The following ZNF718 variants were observed in gnomAD, a reference collection of about 807,000 sequenced individuals.
ZNF718 encodes zinc finger protein 718.
In ZNF718, 3 loss-of-function variants were observed where a neutral mutation model predicts 2.6. That is an observed-to-expected ratio of 1.16 (90% CI 0.53 to 3.01). ZNF718 has a LOEUF of 3.01. Among genes scored for constraint, ZNF718 ranks in the 30% most tolerant of loss-of-function variants. The pLI is 0.03. For missense variants in ZNF718, 468 were observed against 230.0 expected (o/e 2.03, Z -6.69); for synonymous variants, 135 against 77.9 (o/e 1.73, Z -3.86).
At chr4:149,999 C>T (rs1716245536) in intron 3 of ZNF718, 1 of 151,706 alleles carries the variant, frequency 6.6e-6, no homozygotes, top group African/African-American at 2.4e-5. Flanking sequence ...AATACAATAC[C>T]CAATAAAAAA....
chr4:141,231 G>A (rs1437902273), intron 3 of ZNF718, among the ~76,000 whole-genome samples: 7 of 152,040 alleles, frequency 4.6e-5, no homozygotes, highest in Admixed American at 3.3e-4. Context: ...CTAAAAGTTG[G>A]TTCAAATTAC....
chr4:140,824 C>CT (rs1715779786), intron 3 of ZNF718, among the ~76,000 whole-genome samples: 1 of 152,162 alleles, frequency 6.6e-6, no homozygotes, highest in South Asian at 2.1e-4. Flanking sequence ...ATAAGTAAGT[C>CT]TAAGCAATTT....
intron 3 of ZNF718, among the ~76,000 whole-genome samples, chr4:154,392 C>T (rs1553813211): frequency 6.6e-6 from 1 of 152,072 alleles, no homozygotes; most frequent in Non-Finnish European, 1.5e-5. Context: ...GAGAAGGAGA[C>T]AGGAAAATGT....
At position 146,360 on chromosome 4, in the gene ZNF718, C is replaced by T. The variant is rs561769941; in HGVS notation, c.227-14552C>T. 1.4e-4 allele frequency among the ~76,000 whole-genome samples: 22 copies of T among 152,172 alleles called. 1 individual carries two copies. In the South Asian group the frequency reaches 3.3e-3, roughly 23 times the overall value. On this transcript the variant is annotated intron_variant, in intron 3 of 3. Transcript: ENST00000510175. The stretch of plus-strand genomic sequence containing the variant: ...TTTGCACTTTAAATATACGGTCTCA[C>T]TTCTGTGTGGCTTGCATGGTTTCTG...
intron 1 of ZNF718, 98 bp downstream of exon 1, chr4:124,771 C>T (rs1581415608): frequency 3.9e-6 from 6 of 1,522,862 alleles, no homozygotes; most frequent in Non-Finnish European, 4.5e-6. Context: ...GGAGTTCCCG[C>T]TCAGCCCTCT....
intron 3 of ZNF718, among the ~76,000 whole-genome samples, chr4:181,754 C>T (rs1717469800): frequency 6.6e-6 from 1 of 152,088 alleles, no homozygotes; most frequent in Admixed American, 6.6e-5. Flanking sequence ...CTGCACAGAT[C>T]ATACAGTCAC....
rs138104944 is a variant in ZNF718, at chr4:201,540, G to A, written c.*103-92G>A. 723 of 154,622 alleles carry A rather than the reference G, an allele frequency of 4.7e-3. 4 individuals are homozygous for A. Among genetic ancestry groups the A allele is most frequent in the Non-Finnish European group, 7.6e-3 (522 of 68,904 alleles). The allele number at this position is 154,622 out of a possible 1,614,324, so 9.6% of individuals were successfully genotyped here. ...TGCTCCTTCCTCAGCTGCAGCCTTC[G>A]ATATCTGTGCTTTCATGATTTATTT... On this transcript the variant is annotated intron_variant and NMD_transcript_variant, in intron 4 of 4. Transcript: ENST00000642529.
At chr4:191,712 G>C (rs1168994879) in intron 3 of ZNF718, among the ~76,000 whole-genome samples, 1 of 152,056 alleles carries the variant, frequency 6.6e-6, no homozygotes, top group African/African-American at 2.4e-5. Flanking sequence ...CATCAAAATG[G>C]GTAAGTTAAA....
chr4:142,801 A>G (rs1715869944), intron 3 of ZNF718, among the ~76,000 whole-genome samples: 2 of 152,224 alleles, frequency 1.3e-5, no homozygotes, highest in Non-Finnish European at 2.9e-5. Flanking sequence ...GGGATTAACA[A>G]AGAAATTGCT....
chr4:135,537 T>G (rs1430416449), intron 3 of ZNF718, among the ~76,000 whole-genome samples: 1 of 143,020 alleles, frequency 7.0e-6, no homozygotes. Flanking sequence ...AGATGTCCCT[T>G]TATCTCAGTG....
rs1553815010 is a variant in ZNF718 at position 161,222 on chromosome 4, AT to A, written c.540del (p.His181ThrfsTer6). 1 of 774,540 alleles carries A rather than the reference AT, an allele frequency of 1.3e-6. No homozygotes were observed. The highest frequency in any genetic ancestry group is 1.7e-5 in the Admixed American group (1 of 57,232). 48.0% of individuals were successfully genotyped at this position (774,540 alleles called of 1,614,324 possible). A position where few individuals can be genotyped will look rare whatever the true frequency, so the allele number is the denominator to read the frequency against. On this transcript the variant is annotated frameshift_variant, in exon 4 of 4. Coordinates refer to ENST00000510175, the MANE Select transcript of ZNF718 (RefSeq NM_001039127.6). LOFTEE classifies it low-confidence loss of function (END_TRUNC). Reference sequence around the variant, plus strand: ...TTAAATGTAAAGAATGTGGCAAATCATTTCACGTGCTCTCACGCCTAACTCA... The same window carrying A: ...TTAAATGTAAAGAATGTGGCAAATCATTCACGTGCTCTCACGCCTAACTCA... ...TFKCKECGKS[F>X]HVLSRLTQHK...
At chr4:126,970 C>T (rs1553808180) in intron 1 of ZNF718, among the ~76,000 whole-genome samples, 2 of 151,986 alleles carry the variant, frequency 1.3e-5, no homozygotes, top group African/African-American at 4.8e-5. Flanking sequence ...GGATTACAGG[C>T]GCGCCACCAC....
intron 3 of ZNF718, among the ~76,000 whole-genome samples, chr4:170,897 C>T (rs577844143): frequency 3.9e-5 from 6 of 152,302 alleles, no homozygotes; most frequent in East Asian, 1.9e-4. Flanking sequence ...TGAGGAGCTG[C>T]GTTCCTTTGG....
intron 3 of ZNF718, among the ~76,000 whole-genome samples, chr4:181,527 C>G (rs1204823043): frequency 1.3e-5 from 2 of 152,056 alleles, no homozygotes; most frequent in Admixed American, 1.3e-4. Context: ...TTCTCAGTAT[C>G]ATTTGTTGAA....
intron 3 of ZNF718, among the ~76,000 whole-genome samples, chr4:139,594 G>A (rs1479805231): frequency 6.6e-6 from 1 of 152,206 alleles, no homozygotes; most frequent in African/African-American, 2.4e-5. Context: ...CCCACACTGT[G>A]GAGTGTATTT....
At position 190,865 on chromosome 4, in the gene ZNF718, C is replaced by A. The variant is rs188827088; in HGVS notation, c.227-10216C>A. Among the ~76,000 whole-genome samples the A allele has an allele frequency of 4.6e-5, 7 of 151,872 alleles. No homozygotes were observed. The East Asian group carries it at 1.4e-3, about 30-fold the overall frequency. ...ACCAGACTGACTAACATAGGGAAACCCCGTCTCTACTAAAAATACAAAAAT... is the reference window on the plus strand; with the variant it reads ...ACCAGACTGACTAACATAGGGAAACACCGTCTCTACTAAAAATACAAAAAT... On this transcript the variant is annotated intron_variant and NMD_transcript_variant, in intron 3 of 4. Coordinates refer to the ZNF718 transcript ENST00000642529.
In ZNF718 at chr4:124,508, G is replaced by C. The variant is rs188807552; in HGVS notation, c.-163G>C. 9.0e-3 allele frequency: 8,931 copies of C among 988,496 alleles called. 109 individuals are homozygous for C. Among genetic ancestry groups the C allele is most frequent in the Middle Eastern group, 0.058 (272 of 4,674 alleles). The allele number at this position is 988,496 out of a possible 1,614,324, so 61.2% of individuals were successfully genotyped here. A position where few individuals can be genotyped will look rare whatever the true frequency, so the allele number is the denominator to read the frequency against. ...GCATCCGGGATCTGGCGCGGCTTTT[G>C]CTTGTAGCTCCAGCCAGAGCTCGGT... On this transcript the variant is annotated 5_prime_UTR_variant, in exon 1 of 4. Transcript: ENST00000510175.
At chr4:190,956 T>C (rs1717680961) in intron 3 of ZNF718, among the ~76,000 whole-genome samples, 1 of 151,576 alleles carries the variant, frequency 6.6e-6, no homozygotes, top group Non-Finnish European at 1.5e-5. Flanking sequence ...GGAGAATCAC[T>C]TGGACCCAGG....
At chr4:154,104 CTT>C (rs1171112653) in intron 3 of ZNF718, among the ~76,000 whole-genome samples, 1 of 152,118 alleles carries the variant, frequency 6.6e-6, no homozygotes, top group Non-Finnish European at 1.5e-5. Flanking sequence ...AAGGTTTCCC[CTT>C]TTGTTTGGCT....
Sources: allele counts gnomAD v4.1 joint callset (sites outside exome capture counted in the v4.1 genomes callset), GRCh38; gene constraint gnomAD v4.1.1; transcripts MANE v1.5; gene names NCBI Gene and HGNC (gene_info 2026-07-23, HGNC 2026-07-21).